The following CUL5 variants were observed in gnomAD, a reference collection of about 807,000 sequenced individuals.
The protein encoded by CUL5 is cullin 5.
Under a neutral mutation model 108.8 loss-of-function variants are expected in CUL5, and 26 were observed. That is an observed-to-expected ratio of 0.24 (90% CI 0.18 to 0.33). The LOEUF is 0.33. Ranked by LOEUF, CUL5 falls within the 10% of genes least tolerant of loss-of-function variation. The pLI, the probability that CUL5 is intolerant of heterozygous loss-of-function variation, is 1.00. For synonymous variants in CUL5, 334 were observed against 298.0 expected (o/e 1.12, Z -1.25); for missense variants, 524 against 909.2 (o/e 0.58, Z 5.45).
rs1337737675 is a variant in CUL5, at chr11:108,090,066, A to G, written c.1443+443A>G. Among the ~76,000 whole-genome samples the G allele has an allele frequency of 4.6e-5, 7 of 151,898 alleles. No individual in the cohort carries two copies. In the South Asian group the frequency reaches 1.2e-3, roughly 27 times the overall value. On this transcript the variant is annotated intron_variant, in intron 13 of 18. Transcript: ENST00000393094. ...AAAAAAAAAGAATATACCATCAATTATATAAAATAAAGTGATATCTAATAA... is the reference window on the plus strand; with the variant it reads ...AAAAAAAAAGAATATACCATCAATTGTATAAAATAAAGTGATATCTAATAA...
At chr11:108,010,485 A>G (rs907550121) in intron 1 of CUL5, among the ~76,000 whole-genome samples, 1 of 152,224 alleles carries the variant, frequency 6.6e-6, no homozygotes, top group African/African-American at 2.4e-5. Flanking sequence ...ATCACCTTTT[A>G]AAAGGGAGAG....
Position 108,072,447 on chromosome 11 carries a change from T to A in CUL5, c.990T>A (p.Ala330=). The stretch of plus-strand genomic sequence containing the variant: ...GCCTGGCAGATATGGTAGCAGCTGC[T>A]GAAACTATTACTACTGTAAGTTTTT... The part of the protein sequence containing the change: ...SAGLADMVAA[A]ETITTDSEKY... Residue 330 remains alanine, a synonymous_variant, in exon 9 of 19, where the codon GCT becomes GCA. Transcript: ENST00000393094. The A allele has an allele frequency of 6.2e-7, 1 of 1,610,384 alleles. No homozygotes were observed. The highest frequency in any genetic ancestry group is 8.5e-7 in the Non-Finnish European group (1 of 1,178,566).
At chr11:108,019,106 T>C (rs1286820759) in intron 1 of CUL5, among the ~76,000 whole-genome samples, 1 of 150,656 alleles carries the variant, frequency 6.6e-6, no homozygotes, top group Non-Finnish European at 1.5e-5. Context: ...TGGTTTAAAG[T>C]GTATGGGAGG....
At chr11:108,102,846 G>A (rs1864705482) in intron 18 of CUL5, among the ~76,000 whole-genome samples, 2 of 152,078 alleles carry the variant, frequency 1.3e-5, no homozygotes, top group South Asian at 4.1e-4. Context: ...CTCAGGCTGT[G>A]GTGCAGTGGT....
At position 108,090,523 on chromosome 11, in the gene CUL5, A is replaced by T. The variant is rs141264414; in HGVS notation, c.1443+900A>T. On this transcript the variant is annotated intron_variant, in intron 13 of 18. Transcript: ENST00000393094. ...ATAAAATAAATAAATAGACTGCAGG[A>T]CAAATTATTATATCTTTAAGGTATT... Among the ~76,000 whole-genome samples, 155 of 152,276 alleles carry T rather than the reference A, an allele frequency of 1.0e-3. No individual in the cohort carries two copies. The East Asian group carries it at 0.023, about 23-fold the overall frequency.
intron 7 of CUL5, among the ~76,000 whole-genome samples, chr11:108,066,935 A>T (rs554272364): frequency 2.1e-3 from 323 of 152,330 alleles, no homozygotes; most frequent in African/African-American, 7.2e-3. Flanking sequence ...GGCATGAACC[A>T]TGTTTATACT....
chr11:108,070,227 A>G, intron 8 of CUL5, 38 bp downstream of exon 8: 1 of 1,443,522 alleles, frequency 6.9e-7, no homozygotes, highest in Non-Finnish European at 9.7e-7. Flanking sequence ...ATAATCTTCT[A>G]AGAGGGTATC....
At chr11:108,081,138 A>G (rs976077495) in intron 11 of CUL5, among the ~76,000 whole-genome samples, 1 of 152,000 alleles carries the variant, frequency 6.6e-6, no homozygotes, top group Non-Finnish European at 1.5e-5. Context: ...AATACAACAA[A>G]TTAGCCAGGC....
intron 18 of CUL5, among the ~76,000 whole-genome samples, chr11:108,102,811 A>G (rs1354234639): frequency 6.6e-6 from 1 of 152,174 alleles, no homozygotes; most frequent in Non-Finnish European, 1.5e-5. Flanking sequence ...AGATAGATAT[A>G]TGCCTTTTGT....
intron 2 of CUL5, among the ~76,000 whole-genome samples, chr11:108,037,014 T>C (rs1446762340): frequency 6.6e-6 from 1 of 152,158 alleles, no homozygotes; most frequent in African/African-American, 2.4e-5. Context: ...CTTGCTATTA[T>C]TTTTTCCTAT....
At chr11:108,028,945 C>T (rs891897642) in intron 1 of CUL5, among the ~76,000 whole-genome samples, 1 of 152,222 alleles carries the variant, frequency 6.6e-6, no homozygotes, top group Non-Finnish European at 1.5e-5. Flanking sequence ...CTACAAGATC[C>T]AGCTCAGTAA....
chr11:108,062,516 T>C (rs1863562271), intron 7 of CUL5, among the ~76,000 whole-genome samples: 1 of 148,654 alleles, frequency 6.7e-6, no homozygotes, highest in Admixed American at 6.7e-5. Flanking sequence ...TTAATAATTG[T>C]AAATATTAAA....
intron 8 of CUL5, among the ~76,000 whole-genome samples, chr11:108,071,523 G>A (rs1414889810): frequency 1.3e-5 from 2 of 152,132 alleles, no homozygotes; most frequent in African/African-American, 4.8e-5. Flanking sequence ...AAAGAAAGGA[G>A]TTGGGTTTTG....
chr11:108,070,100 T>C lies in CUL5; in HGVS notation c.785T>C (p.Met262Thr). 3 of 1,607,268 alleles carry C rather than the reference T, an allele frequency of 1.9e-6. No individual in the cohort carries two copies. The highest frequency in any genetic ancestry group is 2.2e-5 in the East Asian group (1 of 44,744). Residue 262 changes from methionine to threonine, a missense_variant, in exon 8 of 19, where the codon ATG becomes ACG. This residue lies in a region of CUL5 where 170 missense variants were observed against 305.1 expected (regional missense o/e 0.56). Coordinates refer to ENST00000393094, the MANE Select transcript of CUL5 (RefSeq NM_003478.6). ...CTAATTTTTGATATATTTCAGCTCATGGAATGCTGTGTAAATGCCCTGGTG... is the reference window on the plus strand; with the variant it reads ...CTAATTTTTGATATATTTCAGCTCACGGAATGCTGTGTAAATGCCCTGGTG... ...RRECNSVEALMECCVNALVTS... is the reference protein window; with the variant it reads ...RRECNSVEALTECCVNALVTS...
chr11:108,011,527 AAAGT>A (rs557081204), intron 1 of CUL5, among the ~76,000 whole-genome samples: 2 of 152,196 alleles, frequency 1.3e-5, no homozygotes, highest in African/African-American at 4.8e-5. Context: ...ATTTTGAAAA[AAAGT>A]AAGTGACTCA....
intron 18 of CUL5, 43 bp downstream of exon 18, chr11:108,098,572 AGT>A (rs1491214227): frequency 1.5e-5 from 16 of 1,072,418 alleles, no homozygotes; most frequent in South Asian, 4.7e-5. Flanking sequence ...AAAAAACTTT[AGT>A]TTTTTTTTTT....
At chr11:108,099,007 T>TC (rs1334808122) in intron 18 of CUL5, among the ~76,000 whole-genome samples, 4 of 148,562 alleles carry the variant, frequency 2.7e-5, no homozygotes, top group South Asian at 2.1e-4. Context: ...CCAGTGTACT[T>TC]TTTTTTTTTT....
At chr11:108,102,308 G>A (rs762239929) in intron 18 of CUL5, among the ~76,000 whole-genome samples, 1 of 151,234 alleles carries the variant, frequency 6.6e-6, no homozygotes, top group Non-Finnish European at 1.5e-5. Flanking sequence ...GATTACAGGC[G>A]TGAGCCACCA....
chr11:108,009,790 AC>A (rs958730435), intron 1 of CUL5, among the ~76,000 whole-genome samples: 1 of 151,674 alleles, frequency 6.6e-6, no homozygotes, highest in East Asian at 1.9e-4. Context: ...CAGTGACTCG[AC>A]CCCCCACTTC....
Sources: gnomAD v4.1 joint callset for allele counts (sites outside exome capture counted in the v4.1 genomes callset) on GRCh38, gnomAD v4.1.1 for gene constraint, gnomAD v4.1.1 regional missense constraint, MANE v1.5 for transcripts, NCBI Gene and HGNC (gene_info 2026-07-23, HGNC 2026-07-21) for gene names.